Variants in INPP5F observed in about 807,000 individuals in gnomAD.
The protein encoded by INPP5F is phosphatidylinositide 4-phosphatase SAC2.
In INPP5F, 97 loss-of-function variants were observed where a neutral mutation model predicts 137.2. The ratio of observed to expected loss-of-function variants is 0.71; its 90% CI spans 0.60 to 0.84. The LOEUF is 0.84. Among genes scored for constraint, INPP5F ranks in the 40% least tolerant of loss-of-function variants. The pLI, the probability that INPP5F is intolerant of heterozygous loss-of-function variation, is 0.00. For missense variants in INPP5F, 1,271 were observed against 1,371.9 expected (o/e 0.93, Z 1.16); for synonymous variants, 504 against 476.9 (o/e 1.06, Z -0.74).
chr10:119,800,937 C>A (rs1850565419), intron 9 of INPP5F, among the ~76,000 whole-genome samples: 2 of 97,296 alleles, frequency 2.1e-5, no homozygotes, highest in Non-Finnish European at 2.0e-5. Flanking sequence ...GACAGAGCAA[C>A]ACTCTGTCTC....
At chr10:119,822,837 CTG>C (rs1483053195) in intron 17 of INPP5F, among the ~76,000 whole-genome samples, 6 of 152,170 alleles carry the variant, frequency 3.9e-5, no homozygotes, top group Admixed American at 2.6e-4. Context: ...ATCATAATAA[CTG>C]TGTTCCTTTT....
chr10:119,811,369 G>A (rs1240612323), intron 14 of INPP5F, among the ~76,000 whole-genome samples: 8 of 152,144 alleles, frequency 5.3e-5, no homozygotes, highest in Admixed American at 2.6e-4. Context: ...AGGCTGCGCC[G>A]CATGCCCCAC....
chr10:119,808,562 A>G (rs559292016), intron 13 of INPP5F, among the ~76,000 whole-genome samples: 94 of 152,346 alleles, frequency 6.2e-4, no homozygotes, highest in African/African-American at 2.2e-3. Context: ...ATATGAGTCA[A>G]TGCATGTAAG....
At chr10:119,803,045 C>A (rs766542975) in intron 9 of INPP5F, among the ~76,000 whole-genome samples, 3 of 151,820 alleles carry the variant, frequency 2.0e-5, no homozygotes, top group Non-Finnish European at 4.4e-5. Flanking sequence ...TTCTCTGTAT[C>A]CTTTACCATT....
intron 3 of INPP5F, among the ~76,000 whole-genome samples, chr10:119,788,167 A>G (rs1378977541): frequency 1.3e-5 from 2 of 152,184 alleles, no homozygotes; most frequent in African/African-American, 4.8e-5. Flanking sequence ...CAGAGAAGGA[A>G]CAATATTTGG....
intron 6 of INPP5F, among the ~76,000 whole-genome samples, chr10:119,795,885 G>A (rs576012162): frequency 9.2e-5 from 14 of 152,326 alleles, no homozygotes; most frequent in African/African-American, 3.1e-4. Context: ...AGACCAGCCC[G>A]GCCAACACGG....
At chr10:119,726,629 C>A (rs1847901415) in intron 1 of INPP5F, among the ~76,000 whole-genome samples, 1 of 152,230 alleles carries the variant, frequency 6.6e-6, no homozygotes, top group African/African-American at 2.4e-5. Context: ...GCCCTTGGGG[C>A]TTGGGGCCCA....
chr10:119,743,646 T>C (rs978907124), intron 1 of INPP5F, among the ~76,000 whole-genome samples: 5 of 20,124 alleles, frequency 2.5e-4, no homozygotes, highest in Admixed American at 7.0e-4. Context: ...GCTAGGTTGC[T>C]GGGGGCGGGG....
chr10:119,823,773 T>C lies in INPP5F; in HGVS notation c.2162-42T>C, dbSNP rs146200473. 4.1e-6 allele frequency: 6 copies of C among 1,476,864 alleles called. No homozygotes were observed. In the African/African-American group the frequency reaches 5.6e-5, roughly 14 times the overall value. The allele number at this position is 1,476,864 out of a possible 1,614,324, so 91.5% of individuals were successfully genotyped here. A position where few individuals can be genotyped will look rare whatever the true frequency, so the allele number is the denominator to read the frequency against. On this transcript the variant is annotated intron_variant, in intron 18 of 19. Transcript: ENST00000650623. ...GTTAGAACTGCTATTTTTTTTAGTA[T>C]GTTTATGGAGAAATTGGCAGGCAGT...
chr10:119,745,101 C>T (rs990543261), intron 1 of INPP5F, among the ~76,000 whole-genome samples: 8 of 151,934 alleles, frequency 5.3e-5, no homozygotes, highest in East Asian at 1.9e-4. Flanking sequence ...AGGTTCTCAT[C>T]GGCCCTTCCT....
At chr10:119,798,442 G>T in intron 8 of INPP5F, 101 bp from the exon 9 acceptor site, 1 of 752,484 alleles carries the variant, frequency 1.3e-6, no homozygotes, top group Non-Finnish European at 2.2e-6. Flanking sequence ...GTTCATTTGG[G>T]CTGTCAATAA....
intron 9 of INPP5F, among the ~76,000 whole-genome samples, chr10:119,802,237 C>T (rs540039118): frequency 1.3e-5 from 2 of 151,510 alleles, no homozygotes; most frequent in South Asian, 4.5e-4. Flanking sequence ...ACTGCTACAG[C>T]TCTCTCAAGA....
Position 119,826,722 on chromosome 10 carries a change from T to G in INPP5F, c.2341T>G (p.Phe781Val). 6.2e-7 allele frequency: 1 copy of G among 1,613,380 alleles called. No homozygotes were observed. Among genetic ancestry groups the G allele is most frequent in the African/African-American group, 1.3e-5 (1 of 75,006 alleles). The change falls in exon 20 of 20, where the codon TTT (phenylalanine) becomes GTT (valine). Residue 781 changes from phenylalanine to valine, a missense_variant. Physicochemically the swap from Phe to Val is conservative, Grantham distance 50. This residue lies in a region of INPP5F where 490 missense variants were observed against 443.7 expected (regional missense o/e 1.10). Coordinates refer to ENST00000650623, the MANE Select transcript of INPP5F (RefSeq NM_014937.4). ...AQGKNFLMSK[F>V]SSLNQKVKQT... ...GGGAAAGAATTTTTTAATGAGCAAA[T>G]TTTCATCTCTAAATCAAAAAGTGAA...
intron 15 of INPP5F, chr10:119,818,788 G>GGACA (rs1851407988): frequency 6.6e-6 from 1 of 152,256 alleles, no homozygotes; most frequent in Admixed American, 6.5e-5. Flanking sequence ...ATCGACGGAC[G>GGACA]GACAGACGGA....
At chr10:119,749,387 T>C (rs1564806872) in intron 1 of INPP5F, among the ~76,000 whole-genome samples, 1 of 152,366 alleles carries the variant, frequency 6.6e-6, no homozygotes, top group East Asian at 1.9e-4. Context: ...ATAATGCTTA[T>C]TTATTAGCGC....
intron 15 of INPP5F, chr10:119,818,886 A>C (rs989812613): frequency 5.9e-5 from 9 of 152,314 alleles, no homozygotes; most frequent in African/African-American, 2.2e-4. Flanking sequence ...CCCAAGTCTG[A>C]GGGCGTTGTG....
chr10:119,794,152 A>G (rs1850242965), intron 6 of INPP5F, among the ~76,000 whole-genome samples: 1 of 151,992 alleles, frequency 6.6e-6, no homozygotes, highest in Non-Finnish European at 1.5e-5. Flanking sequence ...TTTCCTAGGC[A>G]GAGGACCCTG....
At chr10:119,818,617 C>G (rs974933602) in intron 15 of INPP5F, 1 of 152,342 alleles carries the variant, frequency 6.6e-6, no homozygotes, top group Non-Finnish European at 1.5e-5. Context: ...CAGGATGGAG[C>G]GCGCATGCGC....
rs761666093 is a variant in INPP5F, at chr10:119,804,187, G to A, written c.1131G>A (p.Leu377=). Residue 377 remains leucine, a synonymous_variant, in exon 10 of 20, where the codon TTG becomes TTA. Transcript: ENST00000650623. The part of the protein sequence containing the change: ...NIYKKQVIIN[L]VDQAGREKII... ...TGCTCTTATAGGTTATTATTAACTT[G>A]GTAGACCAGGCAGGAAGAGAGAAGA... The A allele has an allele frequency of 6.2e-7, 1 of 1,607,610 alleles. No individual in the cohort carries two copies. Among genetic ancestry groups the A allele is most frequent in the Non-Finnish European group, 8.5e-7 (1 of 1,176,178 alleles).
Sources: allele counts gnomAD v4.1 joint callset (sites outside exome capture counted in the v4.1 genomes callset), GRCh38; gene constraint gnomAD v4.1.1; regional missense constraint gnomAD v4.1.1; transcripts MANE v1.5; gene names NCBI Gene and HGNC (gene_info 2026-07-23, HGNC 2026-07-21).